Variants in GRK5 observed in about 807,000 individuals in gnomAD.
GRK5 encodes the protein g protein-coupled receptor kinase GRK5.
In GRK5, 40 loss-of-function variants were observed where a neutral mutation model predicts 78.4. The observed-to-expected ratio is 0.51, with a 90% CI of 0.40 to 0.66. The LOEUF is 0.66. Ranked by LOEUF, GRK5 falls within the 30% of genes least tolerant of loss-of-function variation. The pLI, the probability that GRK5 is intolerant of heterozygous loss-of-function variation, is 0.00. For missense variants in GRK5, 598 were observed against 759.9 expected, an observed-to-expected ratio of 0.79 and a Z score of 2.50; for synonymous variants, 289 against 296.8, an observed-to-expected ratio of 0.97 and a Z score of 0.27.
intron 1 of GRK5, among the ~76,000 whole-genome samples, chr10:119,294,134 C>A (rs1449614202): frequency 1.3e-5 from 2 of 152,148 alleles, no homozygotes; most frequent in Admixed American, 6.5e-5. Context: ...GGAAAGCGTA[C>A]CTGGATCTGG....
chr10:119,297,093 C>T (rs73445459), intron 1 of GRK5, among the ~76,000 whole-genome samples: 1,710 of 152,304 alleles, frequency 0.011, 35 homozygotes, highest in African/African-American at 0.038. Context: ...TCATTAAGGG[C>T]TCCCTCCTTC....
At chr10:119,450,887 G>A (rs191379249) in intron 13 of GRK5, among the ~76,000 whole-genome samples, 54 of 152,176 alleles carry the variant, frequency 3.5e-4, no homozygotes, top group African/African-American at 1.2e-3. Flanking sequence ...GTGCGAAGCC[G>A]CTGTGAGCTG....
At chr10:119,448,090 G>A (rs755126323) in intron 12 of GRK5, 33 bp from the exon 13 acceptor site, 21 of 1,512,184 alleles carry the variant, frequency 1.4e-5, no homozygotes, top group Non-Finnish European at 1.8e-6. Flanking sequence ...GAGAGGCCCA[G>A]GGGACGTGGC....
chr10:119,276,215 C>G (rs1026685907), intron 1 of GRK5, among the ~76,000 whole-genome samples: 1 of 152,114 alleles, frequency 6.6e-6, no homozygotes, highest in African/African-American at 2.4e-5. Context: ...GTGCTGCACC[C>G]ATTAACTCGT....
At chr10:119,239,595 A>G (rs750040327) in intron 1 of GRK5, among the ~76,000 whole-genome samples, 1 of 152,124 alleles carries the variant, frequency 6.6e-6, no homozygotes, top group Admixed American at 6.6e-5. Flanking sequence ...GGTTTGTTAC[A>G]TAGGTATACA....
chr10:119,356,477 C>G (rs991843393), intron 2 of GRK5, among the ~76,000 whole-genome samples: 5 of 152,186 alleles, frequency 3.3e-5, no homozygotes, highest in Admixed American at 6.5e-5. Flanking sequence ...GTGGCTCATG[C>G]TTTCTTGATT....
At chr10:119,380,531 A>T (rs950924152) in intron 2 of GRK5, among the ~76,000 whole-genome samples, 1 of 152,204 alleles carries the variant, frequency 6.6e-6, no homozygotes, top group Non-Finnish European at 1.5e-5. Flanking sequence ...CACCAAGGAG[A>T]TGGAATCACA....
intron 4 of GRK5, among the ~76,000 whole-genome samples, chr10:119,411,811 C>T (rs1257314387): frequency 1.4e-5 from 2 of 148,114 alleles, no homozygotes; most frequent in South Asian, 2.2e-4. Context: ...CCTAAAGCTT[C>T]GGCCTCCTCA....
Position 119,452,842 on chromosome 10 carries a change from TGGGA to T in GRK5, c.1542+43_1542+46del. 118 of 520,986 alleles carry T rather than the reference TGGGA, an allele frequency of 2.3e-4. No homozygotes were observed. Among genetic ancestry groups the T allele is most frequent in the Non-Finnish European group, 4.0e-4 (105 of 259,884 alleles). The allele number at this position is 520,986 out of a possible 1,614,324, so 32.3% of individuals were successfully genotyped here. A position where few individuals can be genotyped will look rare whatever the true frequency, so the allele number is the denominator to read the frequency against. On this transcript the variant is annotated intron_variant, in intron 14 of 15. Coordinates refer to ENST00000392870, the MANE Select transcript of GRK5 (RefSeq NM_005308.3). The surrounding 1 kb of genome is among the most constrained non-coding windows in gnomAD (Gnocchi z 4.4). ...GGCAGACCACTTGCTTTGGTCTGGG[TGGGA>T]GGGAGGGACTGACGGGTGGAAGGAG...
chr10:119,401,161 C>T (rs572958239), intron 4 of GRK5, among the ~76,000 whole-genome samples: 19 of 152,322 alleles, frequency 1.2e-4, no homozygotes, highest in African/African-American at 3.8e-4. Flanking sequence ...TGGGGAGCCA[C>T]GCTTGGCGAG....
At chr10:119,428,933 C>T (rs1016080517) in intron 6 of GRK5, among the ~76,000 whole-genome samples, 11 of 152,302 alleles carry the variant, frequency 7.2e-5, no homozygotes, top group African/African-American at 1.4e-4. Flanking sequence ...AGGAGTTCTG[C>T]GGAGATGTCA....
Position 119,231,235 on chromosome 10 carries a change from T to C in GRK5, c.52+23266T>C, listed in dbSNP as rs1848823721. 2.0e-5 allele frequency among the ~76,000 whole-genome samples: 3 copies of C among 152,068 alleles called. No homozygotes were observed. In the South Asian group the frequency reaches 6.2e-4, roughly 32 times the overall value. On this transcript the variant is annotated intron_variant, in intron 1 of 15. Coordinates refer to ENST00000392870, the MANE Select transcript of GRK5 (RefSeq NM_005308.3). ...CAAACATCTCAACAGGAAAAAAACA[T>C]TCCTATTAAAAAATGGGCAGATGAT...
chr10:119,276,627 G>A (rs1457955418), intron 1 of GRK5, among the ~76,000 whole-genome samples: 1 of 152,086 alleles, frequency 6.6e-6, no homozygotes, highest in African/African-American at 2.4e-5. Context: ...GTAATGGGAT[G>A]GCTGGGTCAA....
intron 1 of GRK5, among the ~76,000 whole-genome samples, chr10:119,252,984 G>A (rs1849227051): frequency 6.6e-6 from 1 of 152,194 alleles, no homozygotes; most frequent in Non-Finnish European, 1.5e-5. Flanking sequence ...GATGGACCCT[G>A]AAGGGTGAGG....
intron 2 of GRK5, among the ~76,000 whole-genome samples, chr10:119,332,336 A>G (rs1850796009): frequency 6.6e-6 from 1 of 152,022 alleles, no homozygotes; most frequent in African/African-American, 2.4e-5. Flanking sequence ...CAAACTCCTG[A>G]GCTCAAGTGA....
Position 119,267,146 on chromosome 10 carries a change from G to A in GRK5, c.52+59177G>A. On this transcript the variant is annotated intron_variant, in intron 1 of 15. Transcript: ENST00000392870. This position sits in a 1 kb window ranked among gnomAD's most constrained non-coding sequence, Gnocchi z 4.1. ...TAATCTCAGCTACTCAGGATGCTGA[G>A]GAAGGAGAATTGCTTGAACCTGCGA... is the stretch of plus-strand genomic sequence containing the variant. Among the ~76,000 whole-genome samples, 1 of 152,068 alleles carries A rather than the reference G, an allele frequency of 6.6e-6. No individual in the cohort carries two copies. Among genetic ancestry groups the A allele is most frequent in the South Asian group, 2.1e-4 (1 of 4,826 alleles).
chr10:119,404,922 G>T (rs1229064982), intron 4 of GRK5, among the ~76,000 whole-genome samples: 1 of 152,262 alleles, frequency 6.6e-6, no homozygotes. Flanking sequence ...GATTTGGGAA[G>T]AGAAGAGGCT....
chr10:119,323,553 G>A (rs972546463), intron 1 of GRK5, among the ~76,000 whole-genome samples: 2 of 152,218 alleles, frequency 1.3e-5, no homozygotes, highest in Admixed American at 6.5e-5. Context: ...AATGAGGGCT[G>A]CGGCTAGATG....
Position 119,452,953 on chromosome 10 carries a change from C to A in GRK5, c.1542+145C>A. Reference sequence around the variant, plus strand: ...CATGAAGGCAGCACACAAAAGCTGTCAGTGGCCAAGTAGGGAGCTGTAGCC... The same window carrying A: ...CATGAAGGCAGCACACAAAAGCTGTAAGTGGCCAAGTAGGGAGCTGTAGCC... On this transcript the variant is annotated intron_variant, in intron 14 of 15. Coordinates refer to ENST00000392870, the MANE Select transcript of GRK5 (RefSeq NM_005308.3). This position sits in a 1 kb window ranked among gnomAD's most constrained non-coding sequence, Gnocchi z 4.4. 9.2e-7 allele frequency: 1 copy of A among 1,090,068 alleles called. No homozygotes were observed. The highest frequency in any genetic ancestry group is 1.4e-6 in the Non-Finnish European group (1 of 735,446). The allele number at this position is 1,090,068 out of a possible 1,614,324, so 67.5% of individuals were successfully genotyped here. A position where few individuals can be genotyped will look rare whatever the true frequency, so the allele number is the denominator to read the frequency against.
Sources: allele counts gnomAD v4.1 joint callset (sites outside exome capture counted in the v4.1 genomes callset), GRCh38; gene constraint gnomAD v4.1.1; non-coding constraint Gnocchi (gnomAD v3.1); transcripts MANE v1.5; gene names NCBI Gene and HGNC (gene_info 2026-07-23, HGNC 2026-07-21).